COL5A1: variants seen among roughly 807,000 people sequenced by gnomAD.
COL5A1 encodes the protein collagen alpha-1(V) chain.
In COL5A1, 16 loss-of-function variants were observed where a neutral mutation model predicts 263.7. The ratio of observed to expected loss-of-function variants is 0.06; its 90% CI spans 0.04 to 0.09. COL5A1 has a LOEUF of 0.09. Ranked by LOEUF, COL5A1 falls within the 10% of genes least tolerant of loss-of-function variation. The probability of loss-of-function intolerance (pLI) is 1.00; values close to 1 mark genes in which losing one functional copy is unlikely to be tolerated. For missense variants in COL5A1, 2,036 were observed against 2,540.5 expected (o/e 0.80, Z 4.27); for synonymous variants, 1,012 against 1,004.5 (o/e 1.01, Z -0.14).
intron 1 of COL5A1, among the ~76,000 whole-genome samples, chr9:134,669,227 C>T (rs1342119545): frequency 1.1e-5 from 1 of 87,118 alleles, no homozygotes. Flanking sequence ...CTTCCCTTCC[C>T]TTCCCTTTCC....
At chr9:134,760,266 TAC>T (rs559526669) in intron 18 of COL5A1, among the ~76,000 whole-genome samples, 10 of 68,884 alleles carry the variant, frequency 1.5e-4, no homozygotes, top group African/African-American at 4.0e-4. Flanking sequence ...CCCACACTGA[TAC>T]ACACATGCAC....
chr9:134,685,067 T>TCCATCCATCCA (rs1832975343), intron 1 of COL5A1, among the ~76,000 whole-genome samples: 1 of 19,084 alleles, frequency 5.2e-5, no homozygotes, highest in African/African-American at 2.3e-4. Context: ...CATCCATCCA[T>TCCATCCATCCA]CCATCCATCC....
At chr9:134,685,034 T>C (rs1478875966) in intron 1 of COL5A1, among the ~76,000 whole-genome samples, 2,069 of 60,224 alleles carry the variant, frequency 0.034, no homozygotes, top group African/African-American at 0.042. Flanking sequence ...ATCCATCCAT[T>C]CATCCATCCA....
chr9:134,753,656 C>T (rs927772774), intron 14 of COL5A1, among the ~76,000 whole-genome samples, 194 bp from the exon 15 acceptor site: 5 of 152,228 alleles, frequency 3.3e-5, no homozygotes, highest in African/African-American at 1.2e-4. Flanking sequence ...CAAACAACTG[C>T]ATTTCCCGGC....
intron 20 of COL5A1, among the ~76,000 whole-genome samples, chr9:134,764,573 T>C (rs1245815048): frequency 1.3e-5 from 2 of 152,174 alleles, no homozygotes; most frequent in South Asian, 2.1e-4. Context: ...AATTTCCTGA[T>C]GGATAGGACA....
At chr9:134,812,389 G>T in intron 46 of COL5A1, 60 bp from the exon 47 acceptor site, 2 of 1,548,348 alleles carry the variant, frequency 1.3e-6, no homozygotes, top group Non-Finnish European at 1.8e-6. Flanking sequence ...TGAAAGCTGT[G>T]TGTGTGTTTG....
intron 63 of COL5A1, among the ~76,000 whole-genome samples, chr9:134,826,582 G>GGATA (rs35045991): frequency 1.3e-5 from 2 of 149,126 alleles, no homozygotes; most frequent in African/African-American, 5.0e-5. Context: ...GATGCTGTGT[G>GGATA]GTTTTGTAGT....
intron 4 of COL5A1, among the ~76,000 whole-genome samples, chr9:134,703,504 T>G (rs1004902446): frequency 1.3e-5 from 2 of 152,134 alleles, no homozygotes; most frequent in Non-Finnish European, 2.9e-5. Flanking sequence ...TAAGGCTACC[T>G]GCACAGCTGC....
chr9:134,768,356 G>C, intron 24 of COL5A1, 54 bp from the exon 25 acceptor site: 1 of 1,485,574 alleles, frequency 6.7e-7, no homozygotes, highest in Admixed American at 1.7e-5. Flanking sequence ...CCGACGGAGA[G>C]GTCAGGTGAG....
intron 65 of COL5A1, among the ~76,000 whole-genome samples, chr9:134,838,856 A>G (rs1209360716): frequency 6.6e-6 from 1 of 152,176 alleles, no homozygotes; most frequent in East Asian, 1.9e-4. Flanking sequence ...TTTGGGTGGA[A>G]AGGTGGGCAG....
At chr9:134,767,451 A>C in intron 24 of COL5A1, 97 bp downstream of exon 24, 1 of 1,153,364 alleles carries the variant, frequency 8.7e-7, no homozygotes, top group Non-Finnish European at 1.3e-6. Flanking sequence ...CCAGCTCTCA[A>C]TGTATATCTT....
At position 134,765,024 on chromosome 9, in the gene COL5A1, G is replaced by A. The variant is rs529149215; in HGVS notation, c.2035-657G>A. ...CGTGGGTGGGGGGTGTGAGTGCCCT[G>A]TGGCAGGCAGTTCTCCCGGAATCTC... On this transcript the variant is annotated intron_variant, in intron 20 of 65. Transcript: ENST00000371817. The surrounding 1 kb of genome is among the most constrained non-coding windows in gnomAD (Gnocchi z 5.1). Among the ~76,000 whole-genome samples, 3 of 152,308 alleles carry A rather than the reference G, an allele frequency of 2.0e-5. No homozygotes were observed. The South Asian group carries it at 6.2e-4, about 32-fold the overall frequency.
chr9:134,827,341 G>A (rs962047773), intron 63 of COL5A1, among the ~76,000 whole-genome samples: 7 of 152,170 alleles, frequency 4.6e-5, no homozygotes, highest in African/African-American at 1.7e-4. Flanking sequence ...AGATCTGTGG[G>A]GCTCCAAGTG....
chr9:134,681,203 C>T lies in COL5A1; in HGVS notation c.110-9709C>T, dbSNP rs1832846845. 1.3e-5 allele frequency among the ~76,000 whole-genome samples: 2 copies of T among 152,232 alleles called. No individual in the cohort carries two copies. The highest frequency in any genetic ancestry group is 4.1e-4 in the South Asian group (2 of 4,834). ...GGGCCTCAGCCCTGGGCCAGACCCTCCCTGGTGGCTCGATGGCTCGGCCCT... is the reference window on the plus strand; with the variant it reads ...GGGCCTCAGCCCTGGGCCAGACCCTTCCTGGTGGCTCGATGGCTCGGCCCT... On this transcript the variant is annotated intron_variant, in intron 1 of 65. Transcript: ENST00000371817. The surrounding 1 kb of genome is among the most constrained non-coding windows in gnomAD (Gnocchi z 4.3).
intron 2 of COL5A1, among the ~76,000 whole-genome samples, chr9:134,697,411 G>A (rs1451734392): frequency 6.6e-6 from 1 of 152,198 alleles, no homozygotes; most frequent in Non-Finnish European, 1.5e-5. Context: ...GGGGGTTCGT[G>A]GGCCTAGCGG....
At chr9:134,646,916 C>T (rs1463219334) in intron 1 of COL5A1, among the ~76,000 whole-genome samples, 2 of 152,208 alleles carry the variant, frequency 1.3e-5, no homozygotes, top group Admixed American at 6.5e-5. Flanking sequence ...AGTCACTGCA[C>T]CTCAGCTTCC....
In COL5A1 at chr9:134,730,155, C is replaced by T. The variant is rs571971343; in HGVS notation, c.925-81C>T. 1.3e-5 allele frequency: 20 copies of T among 1,585,432 alleles called. No individual in the cohort carries two copies. The East Asian group carries it at 3.1e-4, about 25-fold the overall frequency. On this transcript the variant is annotated intron_variant, in intron 6 of 65. Coordinates refer to ENST00000371817, the MANE Select transcript of COL5A1 (RefSeq NM_000093.5). ...GGCGTTGCCACTGAGATGCCTGCAC[C>T]CGGACATGCGGCAAGTCCCAGACCT...
In COL5A1 at chr9:134,796,871, C is replaced by T; in HGVS notation, c.2868C>T (p.Pro956=). The change falls in exon 36 of 66, where the codon CCC becomes CCT. Residue 956 remains proline, a synonymous_variant. Transcript: ENST00000371817. ...GERGPNGPQG[P]TGFPGPKGPP... is the part of the protein sequence containing the mutation. ...AGGGACCCAATGGACCCCAAGGACC[C>T]ACAGGATTTCCTGGACCAAAGGGCC... 1 of 1,614,214 alleles carries T rather than the reference C, an allele frequency of 6.2e-7. No individual in the cohort carries two copies. The highest frequency in any genetic ancestry group is 8.5e-7 in the Non-Finnish European group (1 of 1,180,008).
Position 134,754,220 on chromosome 9 carries a change from T to C in COL5A1, c.1774-53T>C. ...AGCACAGGGACAAGGCTTTGCTCTT[T>C]CTCCTGAGAAAGGCGGACTCGCCAC... On this transcript the variant is annotated intron_variant, in intron 15 of 65. Transcript: ENST00000371817. This position sits in a 1 kb window ranked among gnomAD's most constrained non-coding sequence, Gnocchi z 4.3. 1 of 1,588,822 alleles carries C rather than the reference T, an allele frequency of 6.3e-7. No homozygotes were observed. The highest frequency in any genetic ancestry group is 2.2e-5 in the East Asian group (1 of 44,796).
Sources: gnomAD v4.1 joint callset for allele counts (sites outside exome capture counted in the v4.1 genomes callset) on GRCh38, gnomAD v4.1.1 for gene constraint, Gnocchi (gnomAD v3.1) non-coding constraint, MANE v1.5 for transcripts, NCBI Gene and HGNC (gene_info 2026-07-23, HGNC 2026-07-21) for gene names.